CIMIP6: variants seen among roughly 807,000 people sequenced by gnomAD.
The protein encoded by CIMIP6 is uncharacterized protein C2orf73.
the CIMIP6 span, among the ~76,000 whole-genome samples, chr2:54,353,643 G>A: frequency 6.6e-6 from 1 of 152,104 alleles, no homozygotes; most frequent in African/African-American, 2.4e-5. Context: ...ATTATTGCAT[G>A]CCTTTCGTTA....
At chr2:54,379,150 G>A in the CIMIP6 span, among the ~76,000 whole-genome samples, 1 of 152,134 alleles carries the variant, frequency 6.6e-6, no homozygotes, top group Non-Finnish European at 1.5e-5. Flanking sequence ...CTTCATACAA[G>A]GAAATTACAC....
At chr2:54,359,126 G>T in the CIMIP6 span, 1 of 1,052,804 alleles carries the variant, frequency 9.5e-7, no homozygotes, top group South Asian at 1.6e-5. Context: ...TAGATTTGTA[G>T]AACTTTAAGC....
chr2:54,364,830 C>A, the CIMIP6 span, among the ~76,000 whole-genome samples: 2 of 152,186 alleles, frequency 1.3e-5, no homozygotes, highest in East Asian at 1.9e-4. Context: ...CACCCATCAT[C>A]CCGAACACAG....
the CIMIP6 span, among the ~76,000 whole-genome samples, chr2:54,377,402 ATATT>A: frequency 5.3e-5 from 8 of 152,126 alleles, no homozygotes; most frequent in African/African-American, 1.9e-4. Context: ...TAACTTGTGA[ATATT>A]TATGACATTT....
chr2:54,336,466 G>C, the CIMIP6 span, among the ~76,000 whole-genome samples: 1 of 152,256 alleles, frequency 6.6e-6, no homozygotes, highest in African/African-American at 2.4e-5. Flanking sequence ...ATGTGACTTT[G>C]GGCAAGTCAC....
At chr2:54,374,593 C>T in the CIMIP6 span, among the ~76,000 whole-genome samples, 1 of 152,206 alleles carries the variant, frequency 6.6e-6, no homozygotes, top group African/African-American at 2.4e-5. Context: ...TCAACCAGGT[C>T]TTCACATTTT....
chr2:54,364,832 C>T, the CIMIP6 span, among the ~76,000 whole-genome samples: 8 of 152,228 alleles, frequency 5.3e-5, no homozygotes, highest in South Asian at 4.2e-4. Context: ...CCCATCATCC[C>T]GAACACAGAT....
the CIMIP6 span, among the ~76,000 whole-genome samples, chr2:54,349,331 G>T: frequency 3.9e-5 from 6 of 152,006 alleles, no homozygotes; most frequent in African/African-American, 1.4e-4. Context: ...AATATTACTG[G>T]TGAATGATCT....
At chr2:54,336,611 A>G in the CIMIP6 span, among the ~76,000 whole-genome samples, 1 of 149,114 alleles carries the variant, frequency 6.7e-6, no homozygotes, top group Non-Finnish European at 1.5e-5. Context: ...TAAATGGGGG[A>G]AAAAAATCCT....
the CIMIP6 span, among the ~76,000 whole-genome samples, chr2:54,332,674 A>G: frequency 1.3e-5 from 2 of 152,210 alleles, no homozygotes; most frequent in African/African-American, 4.8e-5. Flanking sequence ...TCATACCACA[A>G]GTGCTTAATC....
the CIMIP6 span, among the ~76,000 whole-genome samples, chr2:54,333,927 A>G: frequency 6.6e-6 from 1 of 151,992 alleles, no homozygotes; most frequent in Non-Finnish European, 1.5e-5. Flanking sequence ...GGTAGAAGAG[A>G]TGGACCTGGC....
At chr2:54,366,506 A>G in the CIMIP6 span, among the ~76,000 whole-genome samples, 1 of 152,238 alleles carries the variant, frequency 6.6e-6, no homozygotes, top group African/African-American at 2.4e-5. Context: ...GATTAAAGAA[A>G]GATGTGAGTT....
chr2:54,340,410 C>A, the CIMIP6 span, among the ~76,000 whole-genome samples: 1 of 152,190 alleles, frequency 6.6e-6, no homozygotes, highest in Non-Finnish European at 1.5e-5. Context: ...CCATGTCTTT[C>A]CTTAATCTCA....
the CIMIP6 span, among the ~76,000 whole-genome samples, chr2:54,343,361 C>A: frequency 6.6e-6 from 1 of 151,994 alleles, no homozygotes; most frequent in Admixed American, 6.6e-5. Flanking sequence ...GAAAAGATTA[C>A]AACATAATTT....
the CIMIP6 span, among the ~76,000 whole-genome samples, chr2:54,352,451 T>C: frequency 6.6e-6 from 1 of 152,186 alleles, no homozygotes; most frequent in Non-Finnish European, 1.5e-5. Context: ...AAACAAAAAT[T>C]GTTTGTATCT....
At chr2:54,346,391 A>C in the CIMIP6 span, among the ~76,000 whole-genome samples, 1 of 152,194 alleles carries the variant, frequency 6.6e-6, no homozygotes, top group African/African-American at 2.4e-5. Flanking sequence ...GAACCAGTCT[A>C]AAAACCAAAT....
At chr2:54,376,785 C>G in the CIMIP6 span, among the ~76,000 whole-genome samples, 4 of 152,226 alleles carry the variant, frequency 2.6e-5, no homozygotes, top group East Asian at 7.7e-4. Flanking sequence ...ACTGCTTGAC[C>G]ATTTGCACTG....
chr2:54,341,523 G>A, the CIMIP6 span, among the ~76,000 whole-genome samples: 2 of 152,158 alleles, frequency 1.3e-5, no homozygotes, highest in Non-Finnish European at 2.9e-5. Context: ...AGACTAAGAC[G>A]TGCACTTACA....
the CIMIP6 span, among the ~76,000 whole-genome samples, chr2:54,335,218 G>A: frequency 1.7e-3 from 255 of 152,242 alleles, 2 homozygotes; most frequent in African/African-American, 5.8e-3. Context: ...ATACAGGGAG[G>A]GAATCTAAGT....
Sources: allele counts gnomAD v4.1 joint callset (sites outside exome capture counted in the v4.1 genomes callset), GRCh38; gene constraint gnomAD v4.1.1; transcripts MANE v1.5; gene names NCBI Gene and HGNC (gene_info 2026-07-23, HGNC 2026-07-21).